CEL: variants seen among roughly 807,000 people sequenced by gnomAD.
CEL encodes carboxyl ester lipase.
CEL carries 39 observed loss-of-function variants against 57.1 expected under a neutral mutation model. That is an observed-to-expected ratio of 0.68 (90% confidence interval 0.53 to 0.89). The LOEUF is 0.89. Ranked by LOEUF, CEL falls within the 40% of genes least tolerant of loss-of-function variation. CEL has a pLI of 0.00. For synonymous variants in CEL, 314 were observed against 396.6 expected, an observed-to-expected ratio of 0.79 and a Z score of 2.48; for missense variants, 698 against 915.0, an observed-to-expected ratio of 0.76 and a Z score of 3.06.
chr9:133,067,208 G>T lies in CEL; in HGVS notation c.895+3G>T. 6.2e-7 allele frequency: 1 copy of T among 1,613,306 alleles called. No homozygotes were observed. The highest frequency in any genetic ancestry group is 1.1e-5 in the South Asian group (1 of 91,028). ...GGTGCCGCTGGCAGGCCTGGAGTGT[G>T]AGTAGCTGCTCGGGTTGGCCCATGG... On this transcript the variant is annotated splice_donor_region_variant and intron_variant, in intron 7 of 10. Transcript: ENST00000372080.
chr9:133,068,563 A>G (rs1334725777), intron 7 of CEL, 109 bp from the exon 8 acceptor site: 6 of 1,401,052 alleles, frequency 4.3e-6, no homozygotes, highest in Non-Finnish European at 5.9e-6. Context: ...AAGTGTCCAT[A>G]GATCAGAGAA....
Position 133,066,493 on chromosome 9 carries a change from C to G in CEL, c.539-37C>G, listed in dbSNP as rs749761906. 6.2e-7 allele frequency: 1 copy of G among 1,613,394 alleles called. No individual in the cohort carries two copies. On this transcript the variant is annotated intron_variant, in intron 4 of 10. Coordinates refer to ENST00000372080, the MANE Select transcript of CEL (RefSeq NM_001807.6). The surrounding 1 kb of genome is among the most constrained non-coding windows in gnomAD (Gnocchi z 4.3). ...CCTCCTGGAGGCCAGGCCTGGGCCA[C>G]TGGTCTCTAGCACCCCCTCCCCTGC...
Position 133,071,186 on chromosome 9 carries a change from C to G in CEL, c.1684C>G (p.Pro562Ala). Residue 562 changes from proline (P) to alanine (A), a missense_variant, in exon 11 of 11, where the codon CCC becomes GCC. Pro to Ala is a conservative substitution (Grantham distance 27). Coordinates refer to ENST00000372080, the MANE Select transcript of CEL (RefSeq NM_001807.6). ...VTDQEATPVP[P>A]TGDSEATPVP... is the part of the protein sequence containing the mutation. ...CGACCAGGAGGCCACCCCTGTGCCC[C>G]CCACAGGGGACTCCGAGGCCACTCC... 6.2e-7 allele frequency: 1 copy of G among 1,604,894 alleles called. No individual in the cohort carries two copies. Among genetic ancestry groups the G allele is most frequent in the Non-Finnish European group, 8.5e-7 (1 of 1,177,852 alleles).
At position 133,066,722 on chromosome 9, in the gene CEL, G is replaced by A. The variant is rs150672381; in HGVS notation, c.669+62G>A. ...GTTGAGAGGAAGCTCAAACGGGAAG[G>A]GGAGGGTGGGAGGAGGAGCGTGGAG... On this transcript the variant is annotated intron_variant, in intron 5 of 10. Coordinates refer to ENST00000372080, the MANE Select transcript of CEL (RefSeq NM_001807.6). The surrounding 1 kb of genome is among the most constrained non-coding windows in gnomAD (Gnocchi z 4.3). 1 of 1,606,570 alleles carries A rather than the reference G, an allele frequency of 6.2e-7. No homozygotes were observed. Among genetic ancestry groups the A allele is most frequent in the Non-Finnish European group, 8.5e-7 (1 of 1,174,612 alleles).
intron 3 of CEL, 38 bp from the exon 4 acceptor site, chr9:133,065,002 C>G (rs1238867368): frequency 4.6e-6 from 7 of 1,538,290 alleles, no homozygotes; most frequent in Admixed American, 1.9e-5. Flanking sequence ...CAGGGCCAGG[C>G]GGGGCGTCTG....
Position 133,064,759 on chromosome 9 carries a change from C to G in CEL, c.337C>G (p.Gln113Glu). ...LNIWVPQGRK[Q>E]VSRDLPVMIW... ...CATTTGGGTGCCCCAGGGCAGGAAG[C>G]AAGGTCTGCCTCCCCTCTACTCCCC... The change falls in exon 3 of 11, where the codon CAA (glutamine) becomes GAA (glutamate). Residue 113 changes from glutamine to glutamate, a missense_variant. Gln to Glu is a conservative substitution (Grantham distance 29). Transcript: ENST00000372080. The G allele has an allele frequency of 6.2e-7, 1 of 1,614,000 alleles. No individual in the cohort carries two copies. Among genetic ancestry groups the G allele is most frequent in the Non-Finnish European group, 8.5e-7 (1 of 1,180,016 alleles).
chr9:133,066,731 G>A lies in CEL; in HGVS notation c.669+71G>A. On this transcript the variant is annotated intron_variant, in intron 5 of 10. Transcript: ENST00000372080. This position sits in a 1 kb window ranked among gnomAD's most constrained non-coding sequence, Gnocchi z 4.3. The stretch of plus-strand genomic sequence containing the variant: ...AAGCTCAAACGGGAAGGGGAGGGTG[G>A]GAGGAGGAGCGTGGAGCTGGGGCTG... 6.2e-7 allele frequency: 1 copy of A among 1,606,510 alleles called. No individual in the cohort carries two copies. The highest frequency in any genetic ancestry group is 1.1e-5 in the South Asian group (1 of 90,814).
At position 133,067,740 on chromosome 9, in the gene CEL, C is replaced by G. The variant is rs577825889; in HGVS notation, c.895+535C>G. The stretch of plus-strand genomic sequence containing the variant: ...GAGAAGCTGATGAACATTTGGGGCC[C>G]CCTCCCCCACCTCATGCATTCATAT... On this transcript the variant is annotated intron_variant, in intron 7 of 10. Coordinates refer to ENST00000372080, the MANE Select transcript of CEL (RefSeq NM_001807.6). 9.2e-5 allele frequency among the ~76,000 whole-genome samples: 14 copies of G among 152,192 alleles called. No homozygotes were observed. In the East Asian group the frequency reaches 2.7e-3, roughly 29 times the overall value.
chr9:133,064,528 ATCC>A lies in CEL; in HGVS notation c.194_196del (p.Pro65del), dbSNP rs1830143410. On this transcript the variant is annotated inframe_deletion, in exon 2 of 11. Transcript: ENST00000372080. ...GCAGCTCCCACCAAGGCCCTGGAAA[ATCC>A]TCAGCCACATCCTGGCTGGCAAGGT... 1 of 1,613,964 alleles carries A rather than the reference ATCC, an allele frequency of 6.2e-7. No homozygotes were observed. The highest frequency in any genetic ancestry group is 8.5e-7 in the Non-Finnish European group (1 of 1,179,996).
intron 1 of CEL, 57 bp from the exon 2 acceptor site, chr9:133,064,347 C>T (rs1208639996): frequency 1.4e-5 from 22 of 1,607,766 alleles, no homozygotes; most frequent in Non-Finnish European, 1.6e-5. Flanking sequence ...TTGCCCCCTC[C>T]GGATTCAGGC....
chr9:133,064,857 T>TC, intron 3 of CEL, 95 bp downstream of exon 3: 2 of 1,593,376 alleles, frequency 1.3e-6, no homozygotes, highest in Non-Finnish European at 1.7e-6. Flanking sequence ...AAGCTGAACT[T>TC]CCATGAAATC....
intron 9 of CEL, among the ~76,000 whole-genome samples, chr9:133,069,547 C>T (rs1830232298): frequency 6.6e-6 from 1 of 151,850 alleles, no homozygotes; most frequent in Non-Finnish European, 1.5e-5. Context: ...ACCTTCCATC[C>T]CCCATGCTGT....
At position 133,066,230 on chromosome 9, in the gene CEL, C is replaced by G. The variant is rs1331347906; in HGVS notation, c.539-300C>G. ...ATCCTGCCCCCGACAAACACCACCC[C>G]CTCCAGCACCACACCAACCCAACCT... On this transcript the variant is annotated intron_variant, in intron 4 of 10. Coordinates refer to ENST00000372080, the MANE Select transcript of CEL (RefSeq NM_001807.6). This position sits in a 1 kb window ranked among gnomAD's most constrained non-coding sequence, Gnocchi z 4.3. Among the ~76,000 whole-genome samples, 2 of 152,174 alleles carry G rather than the reference C, an allele frequency of 1.3e-5. No individual in the cohort carries two copies. The highest frequency in any genetic ancestry group is 4.8e-5 in the African/African-American group (2 of 41,500).
Position 133,068,815 on chromosome 9 carries a change from A to C in CEL, c.1039A>C (p.Ile347Leu). The C allele has an allele frequency of 1.3e-6, 2 of 1,551,732 alleles. No individual in the cohort carries two copies. Among genetic ancestry groups the C allele is most frequent in the Non-Finnish European group, 1.8e-6 (2 of 1,140,810 alleles). Reference protein sequence around the residue: ...NNMDGHIFASIDMPAINKGNK... With the variant: ...NNMDGHIFASLDMPAINKGNK... ...CATGGACGGCCACATCTTCGCCAGC[A>C]TCGACATGCCTGCCATCAACAAGGG... The change falls in exon 8 of 11, where the codon ATC becomes CTC. Residue 347 changes from isoleucine to leucine, a missense_variant. Ile to Leu is a conservative substitution (Grantham distance 5). Coordinates refer to ENST00000372080, the MANE Select transcript of CEL (RefSeq NM_001807.6).
In CEL at chr9:133,066,376, C is replaced by A. The variant is rs1199875364; in HGVS notation, c.539-154C>A. ...ACCCCCTCCAGCACCCTACCCGACC[C>A]AGCTTCTTAGGGACCCACCATTTGC... is the stretch of plus-strand genomic sequence containing the variant. On this transcript the variant is annotated intron_variant, in intron 4 of 10. Transcript: ENST00000372080. This position sits in a 1 kb window ranked among gnomAD's most constrained non-coding sequence, Gnocchi z 4.3. 6.6e-6 allele frequency among the ~76,000 whole-genome samples: 1 copy of A among 152,146 alleles called. No homozygotes were observed. Among genetic ancestry groups the A allele is most frequent in the African/African-American group, 2.4e-5 (1 of 41,416 alleles).
chr9:133,070,569 G>A lies in CEL; in HGVS notation c.1395G>A (p.Lys465=), dbSNP rs1830243986. ...HADDIQYVFG[K]PFATPTGYRP... is the part of the protein sequence containing the mutation. ...ATGACATTCAGTACGTTTTCGGGAAGCCCTTCGCCACCCCCACGGGCTACC... is the reference window on the plus strand; with the variant it reads ...ATGACATTCAGTACGTTTTCGGGAAACCCTTCGCCACCCCCACGGGCTACC... The change falls in exon 10 of 11, where the codon AAG becomes AAA. Residue 465 remains lysine, a synonymous_variant. Transcript: ENST00000372080. The A allele has an allele frequency of 1.2e-6, 2 of 1,614,094 alleles. No individual in the cohort carries two copies. The highest frequency in any genetic ancestry group is 1.7e-6 in the Non-Finnish European group (2 of 1,180,016).
Position 133,066,514 on chromosome 9 carries a change from C to T in CEL, c.539-16C>T, listed in dbSNP as rs773306384. 11 of 1,613,866 alleles carry T rather than the reference C, an allele frequency of 6.8e-6. No individual in the cohort carries two copies. Among genetic ancestry groups the T allele is most frequent in the South Asian group, 1.1e-5 (1 of 91,080 alleles). On this transcript the variant is annotated splice_polypyrimidine_tract_variant and intron_variant, in intron 4 of 10. Transcript: ENST00000372080. The surrounding 1 kb of genome is among the most constrained non-coding windows in gnomAD (Gnocchi z 4.3). The stretch of plus-strand genomic sequence containing the variant: ...GCCACTGGTCTCTAGCACCCCCTCC[C>T]CTGCCCTGCCCCCAGGTAACTATGG...
At chr9:133,064,118 A>T (rs1830136335) in intron 1 of CEL, among the ~76,000 whole-genome samples, 1 of 152,166 alleles carries the variant, frequency 6.6e-6, no homozygotes, top group East Asian at 1.9e-4. Flanking sequence ...CAGAACCCAA[A>T]CCTCCATCCC....
intron 4 of CEL, among the ~76,000 whole-genome samples, chr9:133,065,446 G>A (rs1564210975): frequency 1.3e-5 from 2 of 152,204 alleles, no homozygotes; most frequent in East Asian, 1.9e-4. Context: ...GCTCACGCCT[G>A]TAATCCCAGC....
Sources: allele counts gnomAD v4.1 joint callset (sites outside exome capture counted in the v4.1 genomes callset), GRCh38; gene constraint gnomAD v4.1.1; non-coding constraint Gnocchi (gnomAD v3.1); transcripts MANE v1.5; gene names NCBI Gene and HGNC (gene_info 2026-07-23, HGNC 2026-07-21).